SHC4: variants seen among roughly 807,000 people sequenced by gnomAD.
SHC4 encodes the protein SHC-transforming protein 4.
In SHC4, 41 loss-of-function variants were observed where a neutral mutation model predicts 69.4. The ratio of observed to expected loss-of-function variants is 0.59; its 90% confidence interval spans 0.46 to 0.77. The LOEUF (loss-of-function observed/expected upper bound fraction) is 0.77. Ranked by LOEUF, SHC4 falls within the 30% of genes least tolerant of loss-of-function variation. The pLI is 0.00. For missense variants in SHC4, 777 were observed against 783.8 expected (o/e 0.99, Z 0.10); for synonymous variants, 318 against 299.3 (o/e 1.06, Z -0.64).
intron 1 of SHC4, among the ~76,000 whole-genome samples, chr15:48,931,290 C>G (rs1371678652): frequency 6.6e-6 from 1 of 152,196 alleles, no homozygotes; most frequent in African/African-American, 2.4e-5. Flanking sequence ...AAATCAGTCT[C>G]TAGCATGTAC....
chr15:48,901,243 A>C (rs1900313953), intron 2 of SHC4, among the ~76,000 whole-genome samples: 1 of 152,238 alleles, frequency 6.6e-6, no homozygotes, highest in Non-Finnish European at 1.5e-5. Context: ...CTTGCTCTAA[A>C]GCAAACCGGA....
At chr15:48,830,634 A>G (rs1898779429) in intron 11 of SHC4, among the ~76,000 whole-genome samples, 2 of 152,228 alleles carry the variant, frequency 1.3e-5, no homozygotes, top group African/African-American at 2.4e-5. Context: ...AAAATTAACA[A>G]TAAAGAGTTT....
chr15:48,900,930 AG>A (rs1900309309), intron 2 of SHC4, among the ~76,000 whole-genome samples: 1 of 152,256 alleles, frequency 6.6e-6, no homozygotes, highest in Non-Finnish European at 1.5e-5. Context: ...GAAAAGGGCC[AG>A]GTAGGAAATA....
At chr15:48,844,861 T>C (rs1899057740) in intron 9 of SHC4, among the ~76,000 whole-genome samples, 1 of 152,172 alleles carries the variant, frequency 6.6e-6, no homozygotes, top group Non-Finnish European at 1.5e-5. Context: ...CCTTCTGCCA[T>C]GATTGTGAGG....
At chr15:48,884,965 A>G (rs1426202) in intron 3 of SHC4, among the ~76,000 whole-genome samples, 24,418 of 152,214 alleles carry the variant, frequency 0.16, 2,231 homozygotes, top group East Asian at 0.28. Context: ...AAACTGAACA[A>G]ATATTACTAG....
At chr15:48,860,744 TC>T in intron 6 of SHC4, among the ~76,000 whole-genome samples, 1 of 152,332 alleles carries the variant, frequency 6.6e-6, no homozygotes, top group Admixed American at 6.5e-5. Flanking sequence ...TTAAAAGAAC[TC>T]CGTGAAAAGA....
rs1385391584 is a variant in SHC4 at position 48,866,865 on chromosome 15, AAC to A, written c.946+951_946+952del. ...ATACGTTCTAGTTAAGGAGGAACCT[AAC>A]ACTTCTCCCTAAGAGGAGTCTGAAT... On this transcript the variant is annotated intron_variant, in intron 6 of 11. Coordinates refer to ENST00000332408, the MANE Select transcript of SHC4 (RefSeq NM_203349.4). Among the ~76,000 whole-genome samples, 4 of 152,334 alleles carry A rather than the reference AAC, an allele frequency of 2.6e-5. No homozygotes were observed. In the East Asian group the frequency reaches 5.8e-4, roughly 22 times the overall value.
intron 11 of SHC4, among the ~76,000 whole-genome samples, chr15:48,829,199 T>C (rs1476788747): frequency 6.6e-6 from 1 of 152,206 alleles, no homozygotes; most frequent in Non-Finnish European, 1.5e-5. Flanking sequence ...TTGAGAAGAA[T>C]ATGTATTCTG....
chr15:48,940,026 G>A (rs919986343), intron 1 of SHC4, among the ~76,000 whole-genome samples: 3 of 152,212 alleles, frequency 2.0e-5, no homozygotes, highest in African/African-American at 7.2e-5. Context: ...GCGGAAGGAT[G>A]GGCCCAGACA....
At chr15:48,879,926 C>T (rs1400235444) in intron 4 of SHC4, 1 of 167,086 alleles carries the variant, frequency 6.0e-6, no homozygotes, top group African/African-American at 2.4e-5. Flanking sequence ...AAATTAATTT[C>T]TGGAAATTAA....
At chr15:48,918,548 T>C (rs912312045) in intron 2 of SHC4, among the ~76,000 whole-genome samples, 3 of 151,558 alleles carry the variant, frequency 2.0e-5, no homozygotes, top group Non-Finnish European at 2.9e-5. Context: ...TATTAAACAT[T>C]ACTATTGAAT....
intron 1 of SHC4, among the ~76,000 whole-genome samples, chr15:48,954,285 A>G (rs1901408600): frequency 6.6e-6 from 1 of 152,158 alleles, no homozygotes; most frequent in Admixed American, 6.5e-5. Flanking sequence ...TGAGTGGCAA[A>G]ATAATCCCCC....
intron 9 of SHC4, among the ~76,000 whole-genome samples, chr15:48,850,909 CAGAG>C (rs1899199642): frequency 6.6e-6 from 1 of 152,108 alleles, no homozygotes; most frequent in African/African-American, 2.4e-5. Flanking sequence ...AGCACCTTTC[CAGAG>C]AGAGAGCTTT....
At chr15:48,934,226 T>G (rs1485734877) in intron 1 of SHC4, among the ~76,000 whole-genome samples, 3 of 152,118 alleles carry the variant, frequency 2.0e-5, no homozygotes, top group African/African-American at 7.2e-5. Flanking sequence ...AAAAAACTCT[T>G]ACAACCCAAT....
At chr15:48,904,972 C>CAT (rs56307524) in intron 2 of SHC4, among the ~76,000 whole-genome samples, 7 of 150,662 alleles carry the variant, frequency 4.6e-5, no homozygotes. Context: ...CACACACACA[C>CAT]GGATGGCACC....
intron 4 of SHC4, among the ~76,000 whole-genome samples, chr15:48,880,448 G>C (rs765252378): frequency 5.3e-5 from 8 of 152,104 alleles, no homozygotes; most frequent in Non-Finnish European, 7.4e-5. Context: ...GGGTATGCTA[G>C]TGCACAATAA....
chr15:48,896,227 C>T (rs1440126257), intron 2 of SHC4, among the ~76,000 whole-genome samples: 2 of 136,764 alleles, frequency 1.5e-5, no homozygotes, highest in African/African-American at 2.7e-5. Context: ...TCTCTCTCTC[C>T]CTCCCTCCCT....
Position 48,829,577 on chromosome 15 carries a change from A to C in SHC4, c.1738-3451T>G, listed in dbSNP as rs139430989. Among the ~76,000 whole-genome samples the C allele has an allele frequency of 1.8e-3, 275 of 152,280 alleles. 1 individual carries two copies. The highest frequency in any genetic ancestry group is 6.4e-3 in the African/African-American group (264 of 41,548). On this transcript the variant is annotated intron_variant, in intron 11 of 11. Coordinates refer to ENST00000332408, the MANE Select transcript of SHC4 (RefSeq NM_203349.4). ...ATTTTTTGGTTATCATTTTCATGGA[A>C]TATCTTTTTCTAAACTTTCACTTTC...
chr15:48,837,440 CT>C, intron 10 of SHC4, among the ~76,000 whole-genome samples: 1 of 152,264 alleles, frequency 6.6e-6, no homozygotes, highest in Middle Eastern at 3.4e-3. Context: ...CACCTATGGT[CT>C]CATCACTAAA....
Sources: allele counts gnomAD v4.1 joint callset (sites outside exome capture counted in the v4.1 genomes callset), GRCh38; gene constraint gnomAD v4.1.1; transcripts MANE v1.5; gene names NCBI Gene and HGNC (gene_info 2026-07-23, HGNC 2026-07-21).